The following GRIP1 variants were observed in gnomAD, a reference collection of about 807,000 sequenced individuals.
GRIP1 encodes the protein glutamate receptor-interacting protein 1.
A neutral mutation model predicts 129.9 loss-of-function variants in GRIP1; 45 were observed. That is an observed-to-expected ratio of 0.35 (90% CI 0.27 to 0.44). GRIP1 has a LOEUF of 0.44. GRIP1 is among the 20% of genes least tolerant of loss of function. The pLI, the probability that GRIP1 is intolerant of heterozygous loss-of-function variation, is 1.00. For synonymous variants in GRIP1, 530 were observed against 520.8 expected (o/e 1.02, Z -0.24); for missense variants, 1,196 against 1,396.8 (o/e 0.86, Z 2.29).
chr12:66,802,071 A>G (rs1480367927), intron 1 of GRIP1, among the ~76,000 whole-genome samples: 1 of 152,090 alleles, frequency 6.6e-6, no homozygotes. Context: ...CCCCTACCCA[A>G]TTCAGAGAAG....
chr12:66,745,768 G>A (rs948274187), intron 1 of GRIP1, among the ~76,000 whole-genome samples: 13 of 152,120 alleles, frequency 8.5e-5, no homozygotes, highest in Non-Finnish European at 1.6e-4. Context: ...ATAGTACAGC[G>A]TACTAAAAAA....
intron 1 of GRIP1, among the ~76,000 whole-genome samples, chr12:66,975,824 T>C (rs1471940456): frequency 1.3e-5 from 2 of 152,160 alleles, no homozygotes; most frequent in African/African-American, 4.8e-5. Context: ...TAGTAGTCAA[T>C]GGACACAGAT....
chr12:66,494,963 A>G (rs2060195989), intron 7 of GRIP1, among the ~76,000 whole-genome samples: 1 of 152,188 alleles, frequency 6.6e-6, no homozygotes, highest in African/African-American at 2.4e-5. Flanking sequence ...AAAAAGAATT[A>G]TAATGTATGT....
intron 1 of GRIP1, among the ~76,000 whole-genome samples, chr12:67,066,888 T>TTTTTTTTATA (rs59891449): frequency 8.0e-6 from 1 of 125,662 alleles, no homozygotes; most frequent in African/African-American, 2.9e-5. Flanking sequence ...AAATATATAT[T>TTTTTTTTATA]TATATATATA....
intron 1 of GRIP1, among the ~76,000 whole-genome samples, chr12:66,677,613 T>A (rs1434402647): frequency 1.3e-5 from 2 of 152,188 alleles, no homozygotes; most frequent in African/African-American, 4.8e-5. Context: ...TTAAAATGTA[T>A]AATCTTCCCT....
chr12:66,515,769 A>C lies in GRIP1; in HGVS notation c.579-5T>G. ...CCGGGTTTGATCGTGCCCTCTCTGA[A>C]GGGAGAATAAAGGAATAGTCTTGAT... is the stretch of plus-strand genomic sequence containing the variant. On this transcript the variant is annotated splice_region_variant and splice_polypyrimidine_tract_variant and intron_variant, in intron 6 of 24. Transcript: ENST00000359742. The C allele has an allele frequency of 6.2e-7, 1 of 1,612,788 alleles. No individual in the cohort carries two copies. Among genetic ancestry groups the C allele is most frequent in the Non-Finnish European group, 8.5e-7 (1 of 1,178,854 alleles).
intron 7 of GRIP1, among the ~76,000 whole-genome samples, chr12:66,510,471 C>A (rs1178236389): frequency 6.6e-6 from 1 of 152,120 alleles, no homozygotes; most frequent in Non-Finnish European, 1.5e-5. Context: ...GAACTCCCCC[C>A]AAAATACTCA....
At position 66,349,041 on chromosome 12, in the gene GRIP1, C is replaced by T. The variant is rs753434168; in HGVS notation, c.3365G>A (p.Arg1122Gln). The T allele has an allele frequency of 4.3e-6, 7 of 1,612,324 alleles. No homozygotes were observed. The highest frequency in any genetic ancestry group is 2.7e-5 in the African/African-American group (2 of 74,866). ...QPSHGGNLET[R>Q]EPTNTL is the part of the protein sequence containing the mutation. ...TTGCTATAATGTATTAGTGGGTTCT[C>T]GTGTCTCCAAATTACCACCGTGGCT... Residue 1122 changes from arginine (R) to glutamine (Q), a missense_variant, in exon 25 of 25, where the codon CGA (arginine) becomes CAA (glutamine). Physicochemically the swap from Arg to Gln is conservative, Grantham distance 43. Transcript: ENST00000359742.
chr12:67,012,254 G>T (rs1215482762), intron 1 of GRIP1, among the ~76,000 whole-genome samples: 3 of 152,110 alleles, frequency 2.0e-5, no homozygotes, highest in Non-Finnish European at 2.9e-5. Flanking sequence ...TATGATACAG[G>T]TCAGTTAAAA....
chr12:66,424,028 G>T (rs573744650), intron 14 of GRIP1, among the ~76,000 whole-genome samples: 3 of 152,270 alleles, frequency 2.0e-5, no homozygotes, highest in African/African-American at 2.4e-5. Context: ...TTTATGAAAT[G>T]ATTTTAATTC....
intron 1 of GRIP1, among the ~76,000 whole-genome samples, chr12:66,898,291 G>A (rs150136142): frequency 6.6e-6 from 1 of 151,946 alleles, no homozygotes; most frequent in Non-Finnish European, 1.5e-5. Context: ...CTTTAATGAT[G>A]CTCACTCCTA....
At chr12:66,878,708 C>T (rs1482812037) in intron 1 of GRIP1, among the ~76,000 whole-genome samples, 1 of 152,014 alleles carries the variant, frequency 6.6e-6, no homozygotes, top group Non-Finnish European at 1.5e-5. Flanking sequence ...TCCCTGACCT[C>T]ATGGAGCTTA....
chr12:66,772,805 A>G (rs1272866525), intron 1 of GRIP1, among the ~76,000 whole-genome samples: 2 of 152,170 alleles, frequency 1.3e-5, no homozygotes, highest in African/African-American at 4.8e-5. Flanking sequence ...GTATAGCACA[A>G]ATGGGAGGGA....
chr12:66,487,072 T>C (rs2059975780), intron 7 of GRIP1, among the ~76,000 whole-genome samples: 1 of 152,190 alleles, frequency 6.6e-6, no homozygotes, highest in Non-Finnish European at 1.5e-5. Context: ...ATTACAGATG[T>C]GAGTCACTAT....
At chr12:66,808,717 A>T (rs1044475812), upstream of GRIP1, among the ~76,000 whole-genome samples, 6 of 152,214 alleles carry the variant, frequency 3.9e-5, no homozygotes, top group Admixed American at 3.9e-4. Flanking sequence ...CCTGATTCCA[A>T]TATGGCAACT....
At chr12:66,788,458 G>A (rs147066853) in intron 1 of GRIP1, among the ~76,000 whole-genome samples, 74 of 151,972 alleles carry the variant, frequency 4.9e-4, no homozygotes, top group East Asian at 1.9e-3. Flanking sequence ...CTAGGGAGAT[G>A]TAATCCCTTC....
At chr12:66,878,062 G>A (rs142614419) in intron 1 of GRIP1, among the ~76,000 whole-genome samples, 1 of 152,116 alleles carries the variant, frequency 6.6e-6, no homozygotes, top group African/African-American at 2.4e-5. Context: ...TCTTTACAAA[G>A]GGATATGAAT....
intron 1 of GRIP1, among the ~76,000 whole-genome samples, chr12:66,977,273 T>A (rs2042167260): frequency 6.6e-6 from 1 of 151,692 alleles, no homozygotes; most frequent in Admixed American, 6.6e-5. Flanking sequence ...ATACTTTAAG[T>A]TTTAGGGTAC....
In GRIP1 at chr12:66,384,900, A is replaced by G. The variant is rs575977209; in HGVS notation, c.2465-5464T>C. ...CAGCTAAACTTGACCTTTAACTGAT[A>G]CAGCTGGCTGGTGATACCATGATTT... is the stretch of plus-strand genomic sequence containing the variant. On this transcript the variant is annotated intron_variant, in intron 19 of 24. Coordinates refer to ENST00000359742, the MANE Select transcript of GRIP1 (RefSeq NM_001366722.1). Among the ~76,000 whole-genome samples, 4 of 152,380 alleles carry G rather than the reference A, an allele frequency of 2.6e-5. No homozygotes were observed. The South Asian group carries it at 8.3e-4, about 32-fold the overall frequency.
Sources: gnomAD v4.1 joint callset for allele counts (sites outside exome capture counted in the v4.1 genomes callset) on GRCh38, gnomAD v4.1.1 for gene constraint, MANE v1.5 for transcripts, NCBI Gene and HGNC (gene_info 2026-07-23, HGNC 2026-07-21) for gene names.